Variants in GTPBP8 observed in about 807,000 individuals in gnomAD.
GTPBP8 encodes GTP binding protein 8, also known as GTP-binding protein 8.
Under a neutral mutation model 27.3 loss-of-function variants are expected in GTPBP8, and 21 were observed. The ratio of observed to expected loss-of-function variants is 0.77; its 90% CI spans 0.55 to 1.11. GTPBP8 has a LOEUF of 1.11. Ranked by LOEUF, GTPBP8 falls within the 50% of genes least tolerant of loss-of-function variation. The pLI, the probability that GTPBP8 is intolerant of heterozygous loss-of-function variation, is 0.00. For synonymous variants in GTPBP8, 147 were observed against 135.3 expected (o/e 1.09, Z -0.60); for missense variants, 380 against 350.8 (o/e 1.08, Z -0.67).
At chr3:112,991,805 G>A (rs1426841938) in intron 1 of GTPBP8, 1 of 288,282 alleles carries the variant, frequency 3.5e-6, no homozygotes, top group African/African-American at 2.2e-5. Context: ...TCACAAATGA[G>A]ATGGTCCTTA....
chr3:112,991,505 A>G, intron 1 of GTPBP8, 170 bp downstream of exon 1: 1 of 721,528 alleles, frequency 1.4e-6, no homozygotes, highest in East Asian at 2.7e-5. Context: ...ACGTGGGGAT[A>G]CCCGAGAAAC....
chr3:112,995,459 G>A (rs1933766347), intron 3 of GTPBP8, among the ~76,000 whole-genome samples, 194 bp downstream of exon 3: 1 of 151,992 alleles, frequency 6.6e-6, no homozygotes, highest in Admixed American at 6.6e-5. Context: ...TTTTCTGTCT[G>A]TGGTTTAGCT....
At position 112,991,005 on chromosome 3, in the gene GTPBP8, G is replaced by A. The variant is rs147735880; in HGVS notation, c.6G>A (p.Ala2=). 3.8e-6 allele frequency: 6 copies of A among 1,590,648 alleles called. No homozygotes were observed. The highest frequency in any genetic ancestry group is 3.4e-5 in the South Asian group (3 of 89,546). The change falls in exon 1 of 6, where the codon GCG becomes GCA. Residue 2 remains alanine (A), a synonymous_variant. Transcript: ENST00000383678. The part of the protein sequence containing the change: M[A]APGLRLGAGR... ...CCGTCTTCTGGGAAGGGAGAATGGC[G>A]GCGCCCGGGCTGCGGCTGGGAGCGG...
chr3:112,991,918 G>A (rs1297839000), intron 1 of GTPBP8: 1 of 246,216 alleles, frequency 4.1e-6, no homozygotes, highest in Non-Finnish European at 8.1e-6. Context: ...GTTTATTAGT[G>A]AAATTTCATG....
intron 1 of GTPBP8, 29 bp from the exon 2 acceptor site, chr3:112,992,997 C>T (rs373763963): frequency 1.4e-4 from 165 of 1,217,466 alleles, no homozygotes; most frequent in Non-Finnish European, 1.8e-4. Context: ...ACAGCTAGTA[C>T]GTACTTATCT....
rs1030537365 is a variant in GTPBP8 at position 112,991,193 on chromosome 3, A to C, written c.194A>C (p.Asp65Ala). 6.2e-7 allele frequency: 1 copy of C among 1,614,036 alleles called. No individual in the cohort carries two copies. The highest frequency in any genetic ancestry group is 8.5e-7 in the Non-Finnish European group (1 of 1,180,044). Residue 65 changes from aspartate (D) to alanine (A), a missense_variant, in exon 1 of 6, where the codon GAC (aspartate) becomes GCC (alanine). Physicochemically the swap from Asp to Ala is moderately radical, Grantham distance 126 (BLOSUM62 -2). Coordinates refer to ENST00000383678, the MANE Select transcript of GTPBP8 (RefSeq NM_014170.4). ...ERFLAPYGRQ[D>A]LHLRIFDPSP... ...TTCCTCGCCCCCTACGGGAGGCAAG[A>C]CCTTCACCTGCGTATCTTTGACCCA...
At position 112,996,978 on chromosome 3, in the gene GTPBP8, C is replaced by T. The variant is rs776484600; in HGVS notation, c.653C>T (p.Ala218Val). ...NIAIEMCEEF[A>V]LPYVIVLTKI... ...GCCATAGAAATGTGTGAAGAATTTG[C>T]ATTACCTTATGTGGTAAGTACTTCC... is the stretch of plus-strand genomic sequence containing the variant. Residue 218 changes from alanine to valine, a missense_variant, in exon 4 of 6, where the codon GCA becomes GTA. Coordinates refer to ENST00000383678, the MANE Select transcript of GTPBP8 (RefSeq NM_014170.4). 1 of 1,499,070 alleles carries T rather than the reference C, an allele frequency of 6.7e-7. No homozygotes were observed. Among genetic ancestry groups the T allele is most frequent in the South Asian group, 1.1e-5 (1 of 88,286 alleles). 92.9% of individuals were successfully genotyped at this position (1,499,070 alleles called of 1,614,324 possible). A position where few individuals can be genotyped will look rare whatever the true frequency, so the allele number is the denominator to read the frequency against.
Position 112,999,449 on chromosome 3 carries a change from G to T in GTPBP8, c.670G>T (p.Val224Leu). Residue 224 changes from valine (V) to leucine (L), a missense_variant, in exon 5 of 6, where the codon GTA becomes TTA. Transcript: ENST00000383678. ...CEEFALPYVIVLTKIDKSSKG... is the reference protein window; with the variant it reads ...CEEFALPYVILLTKIDKSSKG... ...ATAAAAATTTGTTTTCTTATAGATT[G>T]TATTAACAAAAATTGACAAATCTTC... is the stretch of plus-strand genomic sequence containing the variant. 2 of 1,271,880 alleles carry T rather than the reference G, an allele frequency of 1.6e-6. No individual in the cohort carries two copies. Among genetic ancestry groups the T allele is most frequent in the Non-Finnish European group, 2.2e-6 (2 of 896,750 alleles). 78.8% of individuals were successfully genotyped at this position (1,271,880 alleles called of 1,614,324 possible). A position where few individuals can be genotyped will look rare whatever the true frequency, so the allele number is the denominator to read the frequency against.
rs377275406 is a variant in GTPBP8 at position 112,999,439 on chromosome 3, C to T, written c.667-7C>T. ...TTTCTAATGCATAAAAATTTGTTTT[C>T]TTATAGATTGTATTAACAAAAATTG... On this transcript the variant is annotated splice_polypyrimidine_tract_variant and splice_region_variant and intron_variant, in intron 4 of 5. Coordinates refer to ENST00000383678, the MANE Select transcript of GTPBP8 (RefSeq NM_014170.4). The T allele has an allele frequency of 4.5e-6, 5 of 1,108,864 alleles. No individual in the cohort carries two copies. The highest frequency in any genetic ancestry group is 6.6e-6 in the Non-Finnish European group (5 of 756,350). 68.7% of individuals were successfully genotyped at this position (1,108,864 alleles called of 1,614,324 possible).
rs147987731 is a variant in GTPBP8, at chr3:113,001,938, T to C, written c.*1019T>C. ...TTAATATTAAAAGGTTATAGCTGTA[T>C]TGCTGGATAACAAATTAAAGCTATA... On this transcript the variant is annotated 3_prime_UTR_variant, in exon 6 of 6. Coordinates refer to ENST00000383678, the MANE Select transcript of GTPBP8 (RefSeq NM_014170.4). 8.5e-5 allele frequency: 13 copies of C among 152,342 alleles called. No individual in the cohort carries two copies. The East Asian group carries it at 2.5e-3, about 29-fold the overall frequency. The allele number at this position is 152,342 out of a possible 1,614,324, so 9.4% of individuals were successfully genotyped here.
intron 2 of GTPBP8, among the ~76,000 whole-genome samples, chr3:112,994,406 A>G (rs1197417721): frequency 2.0e-5 from 3 of 151,194 alleles, no homozygotes; most frequent in Non-Finnish European, 2.9e-5. Flanking sequence ...CTGGACAACA[A>G]GAGTGAAACT....
chr3:112,999,157 C>T (rs925846732), intron 4 of GTPBP8, among the ~76,000 whole-genome samples: 3 of 152,180 alleles, frequency 2.0e-5, no homozygotes, highest in Non-Finnish European at 4.4e-5. Context: ...GCAAATATAA[C>T]TCCAGGACCC....
intron 1 of GTPBP8, chr3:112,991,604 C>T (rs1455622054): frequency 4.6e-6 from 3 of 653,780 alleles, no homozygotes; most frequent in Admixed American, 4.1e-5. Context: ...GCAGAGACTG[C>T]CTGTATACAG....
chr3:112,999,972 T>C (rs1296266418), intron 5 of GTPBP8, among the ~76,000 whole-genome samples: 1 of 152,264 alleles, frequency 6.6e-6, no homozygotes, highest in Admixed American at 6.5e-5. Context: ...GGCTGAGTAG[T>C]ATTACATGGT....
rs760778236 is a variant in GTPBP8 at position 112,999,559 on chromosome 3, TGTAAG to T, written c.785+1_785+5del. On this transcript the variant is annotated frameshift_variant and splice_region_variant, in exon 5 of 6. Coordinates refer to ENST00000383678, the MANE Select transcript of GTPBP8 (RefSeq NM_014170.4). LOFTEE classifies it high-confidence loss of function. ...AAGGATGTTTTCCTCAGTTGTTTCC[TGTAAG>T]GTAAGAGTTGAATTGTTTTGTTTTT... The T allele has an allele frequency of 8.9e-6, 11 of 1,230,882 alleles. No homozygotes were observed. The highest frequency in any genetic ancestry group is 4.8e-5 in the East Asian group (2 of 41,890). The allele number at this position is 1,230,882 out of a possible 1,614,324, so 76.2% of individuals were successfully genotyped here. A position where few individuals can be genotyped will look rare whatever the true frequency, so the allele number is the denominator to read the frequency against.
intron 4 of GTPBP8, 108 bp from the exon 5 acceptor site, chr3:112,999,338 A>G: frequency 1.9e-6 from 1 of 522,294 alleles, no homozygotes. Flanking sequence ...AGGTACAGAG[A>G]TAAATTTGCA....
rs767330405 is a variant in GTPBP8 at position 112,993,121 on chromosome 3, A to C, written c.432A>C (p.Lys144Asn). The C allele has an allele frequency of 7.7e-6, 12 of 1,551,044 alleles. No homozygotes were observed. The Admixed American group carries it at 1.2e-4, about 15-fold the overall frequency. The change falls in exon 2 of 6, where the codon AAA (lysine) becomes AAC (asparagine). Residue 144 changes from lysine (K) to asparagine (N), a missense_variant. Physicochemically the swap from Lys to Asn is moderately conservative, Grantham distance 94 (BLOSUM62 0). Transcript: ENST00000383678. ...APEVEVRVSK[K>N]PGHTKKMNFF... ...AGGTTGAAGTCAGAGTCTCCAAAAAACCAGTATGTTGAAGTTTTTAAATAT... is the reference window on the plus strand; with the variant it reads ...AGGTTGAAGTCAGAGTCTCCAAAAACCCAGTATGTTGAAGTTTTTAAATAT...
In GTPBP8 at chr3:112,999,505, G is replaced by A; in HGVS notation, c.726G>A (p.Gln242=). The part of the protein sequence containing the change: ...SKGHLLKQVL[Q]IQKFVNMKTQ... Reference sequence around the variant, plus strand: ...GACATCTTTTAAAACAAGTGCTTCAGATCCAGAAATTTGTTAACATGAAAA... The same window carrying A: ...GACATCTTTTAAAACAAGTGCTTCAAATCCAGAAATTTGTTAACATGAAAA... The change falls in exon 5 of 6, where the codon CAG becomes CAA. Residue 242 remains glutamine (Q), a synonymous_variant. Coordinates refer to ENST00000383678, the MANE Select transcript of GTPBP8 (RefSeq NM_014170.4). 1 of 1,544,796 alleles carries A rather than the reference G, an allele frequency of 6.5e-7. No individual in the cohort carries two copies. The highest frequency in any genetic ancestry group is 1.4e-5 in the African/African-American group (1 of 73,436).
intron 3 of GTPBP8, among the ~76,000 whole-genome samples, chr3:112,996,181 A>C (rs1933782518): frequency 6.6e-6 from 1 of 152,160 alleles, no homozygotes; most frequent in African/African-American, 2.4e-5. Context: ...CATATAGACC[A>C]GGCACGCCGG....
Sources: gnomAD v4.1 joint callset for allele counts (sites outside exome capture counted in the v4.1 genomes callset) on GRCh38, gnomAD v4.1.1 for gene constraint, MANE v1.5 for transcripts, NCBI Gene and HGNC (gene_info 2026-07-23, HGNC 2026-07-21) for gene names.